FBXL17: variants seen among roughly 807,000 people sequenced by gnomAD.
FBXL17 encodes the protein F-box/LRR-repeat protein 17.
FBXL17 carries 22 observed loss-of-function variants against 66.2 expected under a neutral mutation model. That is an observed-to-expected ratio of 0.33 (90% CI 0.24 to 0.47). The LOEUF (loss-of-function observed/expected upper bound fraction) is 0.47. Among genes scored for constraint, FBXL17 ranks in the 20% least tolerant of loss-of-function variants. The probability of loss-of-function intolerance (pLI) is 1.00; values close to 1 mark genes in which losing one functional copy is unlikely to be tolerated. For missense variants in FBXL17, 878 were observed against 948.2 expected (o/e 0.93, Z 0.97); for synonymous variants, 474 against 400.5 (o/e 1.18, Z -2.19).
chr5:108,262,097 G>A (rs866316582), intron 4 of FBXL17, among the ~76,000 whole-genome samples: 20 of 109,678 alleles, frequency 1.8e-4, no homozygotes, highest in Middle Eastern at 5.0e-3. Flanking sequence ...TTTTTTTTGA[G>A]ACAGAGTCTC....
chr5:108,208,692 C>T (rs1284149725), intron 5 of FBXL17, among the ~76,000 whole-genome samples: 1 of 152,112 alleles, frequency 6.6e-6, no homozygotes, highest in Non-Finnish European at 1.5e-5. Flanking sequence ...GTACCAGTAC[C>T]ATGCTGTTTT....
chr5:108,041,156 T>A (rs552833409), intron 6 of FBXL17, among the ~76,000 whole-genome samples: 1 of 152,314 alleles, frequency 6.6e-6, no homozygotes, highest in African/African-American at 2.4e-5. Context: ...TAGCTACTAT[T>A]ATTAAATACT....
intron 7 of FBXL17, among the ~76,000 whole-genome samples, chr5:107,952,901 T>A (rs1448705196): frequency 6.6e-6 from 1 of 152,152 alleles, no homozygotes; most frequent in African/African-American, 2.4e-5. Context: ...GAAATCTATA[T>A]CTATATAATT....
chr5:108,170,685 C>A (rs1279391771), intron 6 of FBXL17, among the ~76,000 whole-genome samples: 2 of 152,074 alleles, frequency 1.3e-5, no homozygotes. Context: ...AAGTGTCTGC[C>A]ACCAGGCCCG....
At chr5:107,953,974 T>C (rs969653376) in intron 7 of FBXL17, among the ~76,000 whole-genome samples, 3 of 152,206 alleles carry the variant, frequency 2.0e-5, no homozygotes, top group Admixed American at 6.5e-5. Context: ...AAACTCTAAA[T>C]TGTTTTGTAT....
intron 7 of FBXL17, among the ~76,000 whole-genome samples, chr5:108,017,694 T>G (rs1754437503): frequency 6.6e-6 from 1 of 152,168 alleles, no homozygotes; most frequent in Admixed American, 6.6e-5. Flanking sequence ...ACACTGCCAA[T>G]GACATACATT....
At chr5:108,098,945 A>G (rs536078777) in intron 6 of FBXL17, among the ~76,000 whole-genome samples, 5 of 152,296 alleles carry the variant, frequency 3.3e-5, no homozygotes, top group African/African-American at 9.6e-5. Flanking sequence ...AGAGAATATA[A>G]GATCAGTTAC....
intron 4 of FBXL17, among the ~76,000 whole-genome samples, chr5:108,245,039 T>G (rs925969470): frequency 6.6e-6 from 1 of 152,140 alleles, no homozygotes; most frequent in African/African-American, 2.4e-5. Context: ...ATAAGCAAAA[T>G]AGTGAAGTTT....
chr5:107,917,850 A>G (rs1417620152), intron 7 of FBXL17, among the ~76,000 whole-genome samples: 1 of 152,210 alleles, frequency 6.6e-6, no homozygotes, highest in East Asian at 1.9e-4. Context: ...GAGAAGAAAA[A>G]GGAAAAAACA....
At chr5:108,052,514 G>T (rs1470679938) in intron 6 of FBXL17, among the ~76,000 whole-genome samples, 2 of 152,102 alleles carry the variant, frequency 1.3e-5, no homozygotes, top group Non-Finnish European at 2.9e-5. Flanking sequence ...CCTCTTCAAG[G>T]AGAACTACAA....
chr5:107,879,869 GT>G, intron 8 of FBXL17: 1 of 985,452 alleles, frequency 1.0e-6, no homozygotes, highest in Non-Finnish European at 1.2e-6. Context: ...CCCCTGGGTT[GT>G]GCCAGCAGCA....
chr5:108,017,423 T>C (rs1255595998), intron 7 of FBXL17, among the ~76,000 whole-genome samples: 1 of 152,204 alleles, frequency 6.6e-6, no homozygotes, highest in Non-Finnish European at 1.5e-5. Flanking sequence ...AGGAGAAGGC[T>C]AATTCTTCTT....
chr5:108,005,093 C>CTT (rs35383958), intron 7 of FBXL17, among the ~76,000 whole-genome samples: 21,605 of 143,658 alleles, frequency 0.15, 4,487 homozygotes, highest in African/African-American at 0.47. Context: ...TTTTCAATGA[C>CTT]TTTTTTTTTT....
chr5:108,058,789 G>C (rs1747811792), intron 6 of FBXL17, among the ~76,000 whole-genome samples: 1 of 152,132 alleles, frequency 6.6e-6, no homozygotes, highest in Non-Finnish European at 1.5e-5. Context: ...TGAATTCATA[G>C]CCCAATGCCT....
chr5:107,951,522 G>A (rs1751497543), intron 7 of FBXL17, among the ~76,000 whole-genome samples: 1 of 152,188 alleles, frequency 6.6e-6, no homozygotes, highest in African/African-American at 2.4e-5. Flanking sequence ...CACCTACCCT[G>A]CTAGACTGAA....
intron 4 of FBXL17, among the ~76,000 whole-genome samples, chr5:108,283,595 G>C (rs1757784988): frequency 6.6e-6 from 1 of 151,740 alleles, no homozygotes; most frequent in African/African-American, 2.4e-5. Context: ...GAAAACCTAG[G>C]GAAAACTCTT....
rs956267468 is a variant in FBXL17, at chr5:108,381,014, G to C, written c.678C>G (p.Gly226=). 9.6e-6 allele frequency: 9 copies of C among 936,470 alleles called. No homozygotes were observed. The African/African-American group carries it at 1.6e-4, about 17-fold the overall frequency. The allele number at this position is 936,470 out of a possible 1,614,324, so 58.0% of individuals were successfully genotyped here. A position where few individuals can be genotyped will look rare whatever the true frequency, so the allele number is the denominator to read the frequency against. ...CCCCCGCAGGCCCTCCCCCGCCACCGCCGCCGCCGCCGCCGCCGCAGCCCC... is the reference window on the plus strand; with the variant it reads ...CCCCCGCAGGCCCTCCCCCGCCACCCCCGCCGCCGCCGCCGCCGCAGCCCC... ...GGGGCGGGGG[G]GGGGGPAGGG... The change falls in exon 1 of 9, where the codon GGC becomes GGG. Residue 226 remains glycine, a synonymous_variant. Transcript: ENST00000542267.
At chr5:107,958,438 G>C (rs567235564) in intron 7 of FBXL17, among the ~76,000 whole-genome samples, 7 of 152,302 alleles carry the variant, frequency 4.6e-5, no homozygotes, top group East Asian at 3.9e-4. Context: ...GAAAATTTGA[G>C]AATCAACATC....
intron 4 of FBXL17, among the ~76,000 whole-genome samples, chr5:108,313,797 T>C (rs955178254): frequency 3.9e-5 from 6 of 152,002 alleles, no homozygotes; most frequent in African/African-American, 1.4e-4. Context: ...ACATCAGTTC[T>C]AGTCCCAAAG....
Sources: allele counts gnomAD v4.1 joint callset (sites outside exome capture counted in the v4.1 genomes callset), GRCh38; gene constraint gnomAD v4.1.1; transcripts MANE v1.5; gene names NCBI Gene and HGNC (gene_info 2026-07-23, HGNC 2026-07-21).